The following UIMC1 variants were observed in gnomAD, a reference collection of about 807,000 sequenced individuals.
The protein encoded by UIMC1 is BRCA1-A complex subunit RAP80.
In UIMC1, 42 loss-of-function variants were observed where a neutral mutation model predicts 84.9. That is an observed-to-expected ratio of 0.49 (90% confidence interval 0.39 to 0.64). The LOEUF (loss-of-function observed/expected upper bound fraction) is 0.64, where lower values mean the gene tolerates loss of function less well. Among genes scored for constraint, UIMC1 ranks in the 30% least tolerant of loss-of-function variants. The probability of loss-of-function intolerance (pLI) is 0.00; values close to 1 mark genes in which losing one functional copy is unlikely to be tolerated. For synonymous variants in UIMC1, 281 were observed against 293.0 expected (o/e 0.96, Z 0.42); for missense variants, 825 against 847.6 (o/e 0.97, Z 0.33).
intron 6 of UIMC1, among the ~76,000 whole-genome samples, chr5:176,959,028 A>T (rs1289808822): frequency 2.0e-5 from 3 of 152,260 alleles, no homozygotes; most frequent in East Asian, 3.8e-4. Flanking sequence ...GCATCTCTTT[A>T]TGAATCTCGC....
rs749948365 is a variant in UIMC1 at position 176,907,193 on chromosome 5, A to G, written c.1849-16T>C. ...GGCCTTTTTCCTGTAACAGAGAAAA[A>G]CAGATGAAAAGGTTACTTCATGTCA... is the stretch of plus-strand genomic sequence containing the variant. On this transcript the variant is annotated splice_polypyrimidine_tract_variant and intron_variant, in intron 12 of 14. Transcript: ENST00000511320. 6.2e-7 allele frequency: 1 copy of G among 1,610,650 alleles called. No homozygotes were observed. Among genetic ancestry groups the G allele is most frequent in the Admixed American group, 1.7e-5 (1 of 59,760 alleles).
At chr5:177,003,120 T>A (rs1384580187) in intron 1 of UIMC1, among the ~76,000 whole-genome samples, 4 of 152,026 alleles carry the variant, frequency 2.6e-5, no homozygotes, top group Admixed American at 1.3e-4. Context: ...GTAAAAAAAA[T>A]TAAAGTGCCA....
At chr5:176,919,246 TC>T in intron 10 of UIMC1, 1 of 332,998 alleles carries the variant, frequency 3.0e-6, no homozygotes, top group Non-Finnish European at 5.9e-6. Flanking sequence ...ACTACTGCAC[TC>T]CAGCCTGGGC....
intron 1 of UIMC1, among the ~76,000 whole-genome samples, chr5:176,988,717 C>T (rs13171541): frequency 7.5e-6 from 1 of 133,092 alleles, no homozygotes; most frequent in Non-Finnish European, 1.6e-5. Flanking sequence ...CAGAGTCTTA[C>T]TCTGTTGCCA....
intron 10 of UIMC1, among the ~76,000 whole-genome samples, chr5:176,932,858 C>CTTT (rs749495757): frequency 0.035 from 3,714 of 106,556 alleles, 221 homozygotes; most frequent in African/African-American, 0.095. Context: ...AATAGCAATG[C>CTTT]TTTTTTTTTT....
At chr5:176,912,380 G>A (rs1045621094) in intron 10 of UIMC1, among the ~76,000 whole-genome samples, 2 of 151,830 alleles carry the variant, frequency 1.3e-5, no homozygotes, top group African/African-American at 4.8e-5. Context: ...GCTGGCCACC[G>A]TTTGCCTAAC....
intron 10 of UIMC1, among the ~76,000 whole-genome samples, chr5:176,937,404 A>G (rs1018075794): frequency 1.3e-5 from 2 of 152,190 alleles, no homozygotes; most frequent in African/African-American, 4.8e-5. Context: ...CTGAGACAGG[A>G]GAATGGCATG....
chr5:176,914,069 T>TACCATACCATACCATACCAC (rs1343483368), intron 10 of UIMC1, among the ~76,000 whole-genome samples: 43 of 144,490 alleles, frequency 3.0e-4, no homozygotes, highest in African/African-American at 1.2e-3. Context: ...TACCATACCA[T>TACCATACCATACCATACCAC]ACCACACCAC....
intron 1 of UIMC1, among the ~76,000 whole-genome samples, chr5:176,985,747 G>A (rs1460584835): frequency 6.6e-6 from 1 of 152,032 alleles, no homozygotes; most frequent in Non-Finnish European, 1.5e-5. Flanking sequence ...TGGGACCACA[G>A]GGGTGTGCCA....
At chr5:177,002,132 C>CAA (rs1195653458) in intron 1 of UIMC1, 2 of 129,104 alleles carry the variant, frequency 1.5e-5, no homozygotes, top group East Asian at 2.2e-4. Context: ...AAAAAAAAAA[C>CAA]AAAAAAAAAA....
chr5:176,908,436 G>T, intron 12 of UIMC1, 87 bp downstream of exon 12: 1 of 1,323,610 alleles, frequency 7.6e-7, no homozygotes. Flanking sequence ...GGAGGGAGAA[G>T]AGGGAAAAGC....
At position 177,016,320 on chromosome 5, in the gene UIMC1, T is replaced by C. The variant is rs1052864403; in HGVS notation, c.-9+6144A>G. Among the ~76,000 whole-genome samples the C allele has an allele frequency of 2.1e-5, 3 of 146,316 alleles. No homozygotes were observed. In the South Asian group the frequency reaches 6.6e-4, roughly 32 times the overall value. On this transcript the variant is annotated intron_variant, in intron 1 of 5. Coordinates refer to the UIMC1 transcript ENST00000509236. ...CAGAGGTTGCAGTGAGCCGAGATCA[T>C]GTAATTGCCCTCCAACCTGGATGAC...
chr5:176,988,015 T>TTGGGAGGCCCAAG (rs1772278890), intron 1 of UIMC1, among the ~76,000 whole-genome samples: 1 of 149,084 alleles, frequency 6.7e-6, no homozygotes, highest in Non-Finnish European at 1.5e-5. Flanking sequence ...TCCCAGTTAG[T>TTGGGAGGCCCAAG]TGGGAGGCTC....
intron 8 of UIMC1, among the ~76,000 whole-genome samples, chr5:176,953,404 G>A (rs879677479): frequency 2.4e-4 from 37 of 151,620 alleles, no homozygotes; most frequent in Admixed American, 3.9e-4. Context: ...AGTTTCTAAT[G>A]TATCTTCTGA....
Position 176,962,474 on chromosome 5 carries a change from T to TG in UIMC1, c.1201-4321dup, listed in dbSNP as rs1441821532. Among the ~76,000 whole-genome samples, 6 of 58,632 alleles carry TG rather than the reference T, an allele frequency of 1.0e-4. No individual in the cohort carries two copies. In the South Asian group the frequency reaches 2.3e-3, roughly 22 times the overall value. 38.5% of individuals were successfully genotyped at this position (58,632 alleles called of 152,430 possible). On this transcript the variant is annotated intron_variant, in intron 6 of 14. Coordinates refer to ENST00000511320, the MANE Select transcript of UIMC1 (RefSeq NM_001199298.2). The stretch of plus-strand genomic sequence containing the variant: ...CCAGCCGCCCCGTCCGGGAGGGAGG[T>TG]GGGGGGTCAGCCCCCCGACCGGCCA...
chr5:176,975,227 A>G (rs1039922596), intron 3 of UIMC1, among the ~76,000 whole-genome samples, 169 bp downstream of exon 3: 1 of 152,188 alleles, frequency 6.6e-6, no homozygotes, highest in African/African-American at 2.4e-5. Context: ...GAAACTGAAA[A>G]AAGTTATTGT....
At chr5:176,951,186 T>C (rs1383917685) in intron 9 of UIMC1, among the ~76,000 whole-genome samples, 5 of 152,222 alleles carry the variant, frequency 3.3e-5, no homozygotes. Flanking sequence ...ATTTCTACCA[T>C]TATTAGTAGT....
At chr5:176,973,082 AT>A (rs1769515512) in intron 3 of UIMC1, among the ~76,000 whole-genome samples, 1 of 151,898 alleles carries the variant, frequency 6.6e-6, no homozygotes, top group Admixed American at 6.6e-5. Context: ...GGCCCGGCTA[AT>A]TTTTGTATTT....
chr5:176,965,460 T>C lies in UIMC1; in HGVS notation c.1200+3095A>G, dbSNP rs1367526718. Reference sequence around the variant, plus strand: ...ACTTCTGAGATACCTCGCTTCCTTATAAAGTCCTCTTTTAATTTTTTTATT... The same window carrying C: ...ACTTCTGAGATACCTCGCTTCCTTACAAAGTCCTCTTTTAATTTTTTTATT... On this transcript the variant is annotated intron_variant, in intron 6 of 14. Coordinates refer to ENST00000511320, the MANE Select transcript of UIMC1 (RefSeq NM_001199298.2). Among the ~76,000 whole-genome samples the C allele has an allele frequency of 2.6e-5, 4 of 151,982 alleles. No individual in the cohort carries two copies. The East Asian group carries it at 7.7e-4, about 29-fold the overall frequency.
Sources: allele counts gnomAD v4.1 joint callset (sites outside exome capture counted in the v4.1 genomes callset), GRCh38; gene constraint gnomAD v4.1.1; transcripts MANE v1.5; gene names NCBI Gene and HGNC (gene_info 2026-07-23, HGNC 2026-07-21).